STK32B: variants seen among roughly 807,000 people sequenced by gnomAD.
STK32B encodes the protein serine/threonine-protein kinase 32B.
A neutral mutation model predicts 52.6 loss-of-function variants in STK32B; 43 were observed. The ratio of observed to expected loss-of-function variants is 0.82; its 90% CI spans 0.64 to 1.05. STK32B has a LOEUF of 1.05. STK32B is among the 50% of genes least tolerant of loss of function. STK32B has a pLI of 0.00. For synonymous variants in STK32B, 238 were observed against 204.3 expected (o/e 1.17, Z -1.41); for missense variants, 621 against 534.6 (o/e 1.16, Z -1.59).
intron 3 of STK32B, among the ~76,000 whole-genome samples, chr4:5,177,577 C>A (rs942417692): frequency 1.3e-5 from 2 of 152,178 alleles, no homozygotes; most frequent in Non-Finnish European, 2.9e-5. Context: ...GGCATTAACT[C>A]AAAAGTCCAA....
At chr4:5,099,880 G>C (rs1027233712) in intron 1 of STK32B, among the ~76,000 whole-genome samples, 1 of 152,158 alleles carries the variant, frequency 6.6e-6, no homozygotes, top group African/African-American at 2.4e-5. Context: ...ACACCCAGCT[G>C]TTGTCCTGCA....
At chr4:5,064,812 A>C (rs1216430076) in intron 1 of STK32B, among the ~76,000 whole-genome samples, 16 of 139,568 alleles carry the variant, frequency 1.1e-4, no homozygotes, top group African/African-American at 4.2e-4. Flanking sequence ...TGTTGTATAC[A>C]TATATAATAT....
At chr4:5,139,836 A>T (rs1045472615) in intron 1 of STK32B, 69 bp from the exon 2 acceptor site, 5 of 1,579,662 alleles carry the variant, frequency 3.2e-6, no homozygotes, top group Non-Finnish European at 4.4e-6. Context: ...GTACATAGGT[A>T]AGGATATTCA....
At chr4:5,311,837 T>G (rs888941066) in intron 3 of STK32B, among the ~76,000 whole-genome samples, 18 of 151,834 alleles carry the variant, frequency 1.2e-4, no homozygotes, top group Admixed American at 1.1e-3. Flanking sequence ...CTATCAAACG[T>G]TTGAGGAAGA....
rs572055662 is a variant in STK32B, at chr4:5,453,023, G to A, written c.667-3784G>A. Among the ~76,000 whole-genome samples, 3 of 152,188 alleles carry A rather than the reference G, an allele frequency of 2.0e-5. No homozygotes were observed. The highest frequency in any genetic ancestry group is 2.9e-5 in the Non-Finnish European group (2 of 68,022). On this transcript the variant is annotated intron_variant, in intron 7 of 11. Transcript: ENST00000282908. The surrounding 1 kb of genome is among the most constrained non-coding windows in gnomAD (Gnocchi z 4.0). ...CCAGTCATCTTATAAAAGAACCTACGTTTCTCTACAACCACTCAAACAGAT... is the reference window on the plus strand; with the variant it reads ...CCAGTCATCTTATAAAAGAACCTACATTTCTCTACAACCACTCAAACAGAT...
At chr4:5,068,696 A>G (rs972518434) in intron 1 of STK32B, among the ~76,000 whole-genome samples, 6 of 152,102 alleles carry the variant, frequency 3.9e-5, no homozygotes, top group Non-Finnish European at 8.8e-5. Flanking sequence ...ACTATTGTTT[A>G]ATACTTTTCT....
At chr4:5,224,709 CATTA>C (rs750926264) in intron 3 of STK32B, among the ~76,000 whole-genome samples, 17 of 151,948 alleles carry the variant, frequency 1.1e-4, no homozygotes, top group Non-Finnish European at 2.4e-4. Context: ...TAATTAATGA[CATTA>C]ATTGTATCAA....
intron 8 of STK32B, among the ~76,000 whole-genome samples, chr4:5,458,011 G>T (rs1716714542): frequency 6.6e-6 from 1 of 152,156 alleles, no homozygotes; most frequent in Non-Finnish European, 1.5e-5. Flanking sequence ...CTTTCTGCAG[G>T]AACTGTTGCT....
upstream of STK32B, among the ~76,000 whole-genome samples, chr4:5,050,402 T>G (rs929586652): frequency 6.7e-6 from 1 of 148,508 alleles, no homozygotes; most frequent in Non-Finnish European, 1.5e-5. Context: ...CCCACTGCCT[T>G]TAAGAGATTT....
rs930738799 is a variant in STK32B at position 5,437,893 on chromosome 4, G to A, written c.563-8780G>A. On this transcript the variant is annotated intron_variant, in intron 6 of 11. Transcript: ENST00000282908. ...CAATGACATCATTTTGGTGGCATAGGGATTATGATATCAATATTGTTGTGT... is the reference window on the plus strand; with the variant it reads ...CAATGACATCATTTTGGTGGCATAGAGATTATGATATCAATATTGTTGTGT... 5.1e-6 allele frequency: 5 copies of A among 983,826 alleles called. No homozygotes were observed. In the South Asian group the frequency reaches 1.9e-4, roughly 37 times the overall value. 60.9% of individuals were successfully genotyped at this position (983,826 alleles called of 1,614,324 possible).
chr4:5,051,923 A>T lies in STK32B; in HGVS notation c.52+8A>T. ...TTGACGAGAATGAGGAAGGTAAGAG[A>T]GCGAGAGGTGCGAATTCCCGCTTCG... On this transcript the variant is annotated splice_region_variant and intron_variant, in intron 1 of 11. Coordinates refer to ENST00000282908, the MANE Select transcript of STK32B (RefSeq NM_018401.3). 8.8e-6 allele frequency: 14 copies of T among 1,591,010 alleles called. No individual in the cohort carries two copies. The highest frequency in any genetic ancestry group is 1.2e-5 in the Non-Finnish European group (14 of 1,169,250).
At chr4:5,094,315 G>T (rs1713261303) in intron 1 of STK32B, among the ~76,000 whole-genome samples, 1 of 152,174 alleles carries the variant, frequency 6.6e-6, no homozygotes, top group African/African-American at 2.4e-5. Flanking sequence ...CAGAAGAAGT[G>T]CTTCTGCCAA....
At chr4:5,178,524 C>A (rs1348953861) in intron 3 of STK32B, among the ~76,000 whole-genome samples, 1 of 152,212 alleles carries the variant, frequency 6.6e-6, no homozygotes, top group Non-Finnish European at 1.5e-5. Context: ...ATTTCTACAG[C>A]CGCCTTGAAT....
intron 2 of STK32B, among the ~76,000 whole-genome samples, chr4:5,146,338 G>A (rs1225043526): frequency 1.3e-5 from 2 of 152,170 alleles, no homozygotes; most frequent in Non-Finnish European, 1.5e-5. Context: ...CCGAAAGCCT[G>A]AGAGCCCCTG....
intron 4 of STK32B, among the ~76,000 whole-genome samples, chr4:5,336,497 T>G (rs377742026): frequency 3.3e-5 from 5 of 152,216 alleles, no homozygotes; most frequent in African/African-American, 1.2e-4. Flanking sequence ...TCAAAATAAC[T>G]ATGATCAGTA....
chr4:5,416,370 C>T (rs1156925776), intron 5 of STK32B, among the ~76,000 whole-genome samples: 1 of 152,108 alleles, frequency 6.6e-6, no homozygotes, highest in Non-Finnish European at 1.5e-5. Flanking sequence ...GTCTCAACAC[C>T]ACAGCCTTCT....
chr4:5,138,702 G>A (rs1430772006), intron 1 of STK32B, among the ~76,000 whole-genome samples: 1 of 152,186 alleles, frequency 6.6e-6, no homozygotes. Flanking sequence ...ATTACACAAA[G>A]CGATGTATTT....
chr4:5,386,153 C>T lies in STK32B; in HGVS notation c.435-12054C>T, dbSNP rs189714129. 2.8e-3 allele frequency among the ~76,000 whole-genome samples: 422 copies of T among 152,006 alleles called. No homozygotes were observed. The highest frequency in any genetic ancestry group is 5.0e-3 in the Non-Finnish European group (339 of 67,960). ...CCACAGTTCCTGGCCTTTGTACTCC[C>T]TGGACTCTTCCCAGCCGTCTGTCTC... On this transcript the variant is annotated intron_variant, in intron 4 of 11. Transcript: ENST00000282908. The surrounding 1 kb of genome is among the most constrained non-coding windows in gnomAD (Gnocchi z 4.5).
At chr4:5,166,698 C>G (rs1167833153) in intron 2 of STK32B, among the ~76,000 whole-genome samples, 1 of 151,796 alleles carries the variant, frequency 6.6e-6, no homozygotes, top group Non-Finnish European at 1.5e-5. Context: ...ACCCTGCTGA[C>G]ACCTTGGTTT....
Sources: allele counts gnomAD v4.1 joint callset (sites outside exome capture counted in the v4.1 genomes callset), GRCh38; gene constraint gnomAD v4.1.1; non-coding constraint Gnocchi (gnomAD v3.1); transcripts MANE v1.5; gene names NCBI Gene and HGNC (gene_info 2026-07-23, HGNC 2026-07-21).